The following DPAGT1 variants were observed in gnomAD, a reference collection of about 807,000 sequenced individuals.
DPAGT1 encodes dolichyl-phosphate N-acetylglucosaminephosphotransferase 1.
In DPAGT1, 25 loss-of-function variants were observed where a neutral mutation model predicts 39.3. That is an observed-to-expected ratio of 0.64 (90% CI 0.46 to 0.89). DPAGT1 has a LOEUF of 0.89. DPAGT1 is among the 40% of genes least tolerant of loss of function. The probability of loss-of-function intolerance (pLI) is 0.00; values close to 1 mark genes in which losing one functional copy is unlikely to be tolerated. For synonymous variants in DPAGT1, 193 were observed against 201.4 expected, an observed-to-expected ratio of 0.96 and a Z score of 0.36; for missense variants, 381 against 500.6, an observed-to-expected ratio of 0.76 and a Z score of 2.28.
Position 119,100,740 on chromosome 11 carries a change from G to A in DPAGT1, c.386C>T (p.Pro129Leu), listed in dbSNP as rs1946487560. The A allele has an allele frequency of 6.2e-7, 1 of 1,614,216 alleles. No individual in the cohort carries two copies. The highest frequency in any genetic ancestry group is 8.5e-7 in the Non-Finnish European group (1 of 1,180,040). The part of the protein sequence containing the change: ...NLRWRHKLLL[P>L]TAASLPLLMV... ...GAGGAGAGGTAGTGAGGCAGCTGTA[G>A]GTAGCAGCAGCTTATGGCGCCAGCG... The change falls in exon 3 of 9, where the codon CCT becomes CTT. Residue 129 changes from proline to leucine, a missense_variant. Physicochemically the swap from Pro to Leu is moderately conservative, Grantham distance 98. Transcript: ENST00000354202.
intron 4 of DPAGT1, among the ~76,000 whole-genome samples, chr11:119,098,845 A>G (rs1463757980): frequency 6.6e-6 from 1 of 152,206 alleles, no homozygotes; most frequent in African/African-American, 2.4e-5. Context: ...GCCACATAAA[A>G]CCATTACAAG....
At position 119,097,366 on chromosome 11, in the gene DPAGT1, G is replaced by A; in HGVS notation, c.1006-69C>T. On this transcript the variant is annotated intron_variant, in intron 7 of 8. Coordinates refer to ENST00000354202, the MANE Select transcript of DPAGT1 (RefSeq NM_001382.4). This position sits in a 1 kb window ranked among gnomAD's most constrained non-coding sequence, Gnocchi z 4.6. ...CTTTAGGAATGTGGATCTATTTAAT[G>A]CTTTCAAGTTCCCCTTGGATCTGAT... The A allele has an allele frequency of 6.2e-7, 1 of 1,612,766 alleles. No homozygotes were observed. The highest frequency in any genetic ancestry group is 8.5e-7 in the Non-Finnish European group (1 of 1,178,784).
chr11:119,095,461 C>A, downstream of DPAGT1: 1 of 1,450,176 alleles, frequency 6.9e-7, no homozygotes, highest in Non-Finnish European at 9.0e-7. Flanking sequence ...CGCAGTGTAA[C>A]TGCTGTCGCG....
Position 119,097,036 on chromosome 11 carries a change from TGGAGAA to T in DPAGT1, c.1183_1188del (p.Phe395_Ser396del). 1 of 1,614,054 alleles carries T rather than the reference TGGAGAA, an allele frequency of 6.2e-7. No homozygotes were observed. On this transcript the variant is annotated inframe_deletion, in exon 9 of 9. Transcript: ENST00000354202. The surrounding 1 kb of genome is among the most constrained non-coding windows in gnomAD (Gnocchi z 4.6). ...AAGAGTCGAACGAGCTGATATCGAA[TGGAGAA>T]GGTGATGGCACTGCCCAGGATCTGC...
In DPAGT1 at chr11:119,096,911, C is replaced by G; in HGVS notation, c.*87G>C. On this transcript the variant is annotated 3_prime_UTR_variant, in exon 9 of 9. Transcript: ENST00000354202. ...GTATGAAGAGTGAGAGAGGCCTGGG[C>G]AAGGAGGCAGTCTGGGACCAGAGAG... 2 of 1,479,868 alleles carry G rather than the reference C, an allele frequency of 1.4e-6. No individual in the cohort carries two copies. The highest frequency in any genetic ancestry group is 2.3e-5 in the South Asian group (2 of 85,430). The allele number at this position is 1,479,868 out of a possible 1,614,324, so 91.7% of individuals were successfully genotyped here.
chr11:119,096,047 C>T (rs990712303), downstream of DPAGT1, among the ~76,000 whole-genome samples: 4 of 152,102 alleles, frequency 2.6e-5, no homozygotes, highest in South Asian at 2.1e-4. Flanking sequence ...CTCACTGCAG[C>T]CTCGAACTCC....
chr11:119,098,477 C>T lies in DPAGT1; in HGVS notation c.654G>A (p.Arg218=), dbSNP rs1167997415. 6.2e-7 allele frequency: 1 copy of T among 1,614,120 alleles called. No homozygotes were observed. ...FNLVELEGDC[R]DDHVFSLYFM... ...AGTAGAGGGAAAAGACATGATCATC[C>T]CGACAATCACCTTTGGAAGCAAGGA... is the stretch of plus-strand genomic sequence containing the variant. The change falls in exon 5 of 9, where the codon CGG becomes CGA. Residue 218 remains arginine, a synonymous_variant. Coordinates refer to ENST00000354202, the MANE Select transcript of DPAGT1 (RefSeq NM_001382.4).
In DPAGT1 at chr11:119,096,542, G is replaced by A. The variant is rs1282181319; in HGVS notation, c.*456C>T. On this transcript the variant is annotated 3_prime_UTR_variant, in exon 9 of 9. Transcript: ENST00000354202. ...AAGACAACACTTTATTGTCTCCATT[G>A]AGAGCATGTGGCCCCCTGCTTAGTT... The A allele has an allele frequency of 8.7e-6, 2 of 231,172 alleles. No individual in the cohort carries two copies. The highest frequency in any genetic ancestry group is 1.2e-4 in the South Asian group (2 of 16,506). The allele number at this position is 231,172 out of a possible 1,614,324, so 14.3% of individuals were successfully genotyped here. A position where few individuals can be genotyped will look rare whatever the true frequency, so the allele number is the denominator to read the frequency against.
rs1179417695 is a variant in DPAGT1, at chr11:119,097,414, T to C, written c.1005+50A>G. On this transcript the variant is annotated intron_variant, in intron 7 of 8. Coordinates refer to ENST00000354202, the MANE Select transcript of DPAGT1 (RefSeq NM_001382.4). The surrounding 1 kb of genome is among the most constrained non-coding windows in gnomAD (Gnocchi z 4.6). ...GATGTAGGACTAGGTTCCCCATTCC[T>C]CAAGGTCAGGATGGCAGCCTAGGGC... The C allele has an allele frequency of 6.2e-7, 1 of 1,613,002 alleles. No homozygotes were observed. The highest frequency in any genetic ancestry group is 1.1e-5 in the South Asian group (1 of 91,050).
chr11:119,100,439 G>C, intron 3 of DPAGT1, 31 bp from the exon 4 acceptor site: 1 of 1,614,134 alleles, frequency 6.2e-7, no homozygotes. Context: ...AAAAGAAGTA[G>C]TGCCACCTAG....
At chr11:119,098,175 A>G (rs1201826237) in intron 5 of DPAGT1, 132 bp from the exon 6 acceptor site, 1 of 1,288,822 alleles carries the variant, frequency 7.8e-7, no homozygotes, top group Non-Finnish European at 1.1e-6. Context: ...TTGTGCAGCA[A>G]CTCTGCAGGA....
chr11:119,100,180 T>C (rs974217692), intron 4 of DPAGT1, 82 bp downstream of exon 4: 22 of 1,601,708 alleles, frequency 1.4e-5, no homozygotes, highest in Non-Finnish European at 1.9e-5. Context: ...ATTGCTTTTT[T>C]CCCCTGAATT....
At chr11:119,095,274 C>T (rs61729447), downstream of DPAGT1, 11 of 1,612,814 alleles carry the variant, frequency 6.8e-6, no homozygotes, top group African/African-American at 1.3e-5. Flanking sequence ...ACGCGCTCGG[C>T]GTAGTGGCCC....
Position 119,097,515 on chromosome 11 carries a change from A to G in DPAGT1, c.954T>C (p.Tyr318=). 1 of 1,614,210 alleles carries G rather than the reference A, an allele frequency of 6.2e-7. No individual in the cohort carries two copies. The highest frequency in any genetic ancestry group is 8.5e-7 in the Non-Finnish European group (1 of 1,180,036). ...NIKTGKLEMS[Y]SKFKTKSLSF... ...AGAGGCTCTTGGTCTTGAACTTGGAATAGCTCATCTCCAGTTTGCCTGTCT... is the reference window on the plus strand; with the variant it reads ...AGAGGCTCTTGGTCTTGAACTTGGAGTAGCTCATCTCCAGTTTGCCTGTCT... Residue 318 remains tyrosine, a synonymous_variant, in exon 7 of 9, where the codon TAT becomes TAC. Transcript: ENST00000354202. The surrounding 1 kb of genome is among the most constrained non-coding windows in gnomAD (Gnocchi z 4.6).
At position 119,096,673 on chromosome 11, in the gene DPAGT1, G is replaced by GA; in HGVS notation, c.*324dup. On this transcript the variant is annotated 3_prime_UTR_variant, in exon 9 of 9. Coordinates refer to ENST00000354202, the MANE Select transcript of DPAGT1 (RefSeq NM_001382.4). ...ATCCCAAAAACCAGTGGTTCCTTGA[G>GA]AGTCAGGACTCTGAAATGTGAGTGT... The GA allele has an allele frequency of 2.3e-6, 1 of 436,672 alleles. No homozygotes were observed. The highest frequency in any genetic ancestry group is 4.2e-6 in the Non-Finnish European group (1 of 236,608). 27.0% of individuals were successfully genotyped at this position (436,672 alleles called of 1,614,324 possible).
At chr11:119,098,216 G>T in intron 5 of DPAGT1, 173 bp from the exon 6 acceptor site, 1 of 1,092,372 alleles carries the variant, frequency 9.2e-7, no homozygotes, top group Non-Finnish European at 1.4e-6. Flanking sequence ...TATTCCTGGG[G>T]CCTCCACGCA....
At chr11:119,099,929 A>G (rs973870307) in intron 4 of DPAGT1, among the ~76,000 whole-genome samples, 1 of 152,108 alleles carries the variant, frequency 6.6e-6, no homozygotes, top group African/African-American at 2.4e-5. Context: ...GTGCTCAAAC[A>G]TGATTACAGA....
Position 119,097,142 on chromosome 11 carries a change from C to G in DPAGT1, c.1161G>C (p.Gln387His). Residue 387 changes from glutamine (Q) to histidine (H), a missense_variant and splice_region_variant, in exon 8 of 9, where the codon CAG becomes CAC. Gln to His is a conservative substitution (Grantham distance 24, BLOSUM62 0). Coordinates refer to ENST00000354202, the MANE Select transcript of DPAGT1 (RefSeq NM_001382.4). The surrounding 1 kb of genome is among the most constrained non-coding windows in gnomAD (Gnocchi z 4.6). Reference protein sequence around the residue: ...RNLTLLLLLLQILGSAITFSI... With the variant: ...RNLTLLLLLLHILGSAITFSI... ...GTATAAACTCGATTCCCATCCTCAC[C>G]TGCAGCAGCAGCAGGAGCAATGTGA... The G allele has an allele frequency of 6.2e-7, 1 of 1,614,212 alleles. No homozygotes were observed. The highest frequency in any genetic ancestry group is 8.5e-7 in the Non-Finnish European group (1 of 1,180,038).
At chr11:119,095,389 C>T (rs768230455), downstream of DPAGT1, 33 of 1,557,896 alleles carry the variant, frequency 2.1e-5, 1 homozygote, top group Non-Finnish European at 2.5e-5. Context: ...TGCCGCGGCC[C>T]GACATGCTAG....
Sources: gnomAD v4.1 joint callset for allele counts (sites outside exome capture counted in the v4.1 genomes callset) on GRCh38, gnomAD v4.1.1 for gene constraint, Gnocchi (gnomAD v3.1) non-coding constraint, MANE v1.5 for transcripts, NCBI Gene and HGNC (gene_info 2026-07-23, HGNC 2026-07-21) for gene names.